The following PRRG4 variants were observed in gnomAD, a reference collection of about 807,000 sequenced individuals.
PRRG4 encodes proline rich and Gla domain 4.
In PRRG4, 12 loss-of-function variants were observed where a neutral mutation model predicts 20.0. That is an observed-to-expected ratio of 0.60 (90% confidence interval 0.38 to 0.97). The LOEUF (loss-of-function observed/expected upper bound fraction) is 0.97. PRRG4 is among the 50% of genes least tolerant of loss of function. The probability of loss-of-function intolerance (pLI) is 0.00; values close to 1 mark genes in which losing one functional copy is unlikely to be tolerated. For synonymous variants in PRRG4, 94 were observed against 96.4 expected (o/e 0.98, Z 0.15); for missense variants, 199 against 265.1 (o/e 0.75, Z 1.73).
At chr11:32,832,549 C>T (rs1298994589) in intron 2 of PRRG4, among the ~76,000 whole-genome samples, 1 of 144,152 alleles carries the variant, frequency 6.9e-6, no homozygotes, top group South Asian at 2.3e-4. Context: ...GGCGTGATCA[C>T]GGCTCACTGC....
intron 4 of PRRG4, among the ~76,000 whole-genome samples, chr11:32,839,689 G>A (rs1415293950): frequency 2.8e-5 from 3 of 108,732 alleles, no homozygotes; most frequent in South Asian, 2.7e-4. Context: ...TAAAATATAA[G>A]TATTATATTT....
At position 32,848,906 on chromosome 11, in the gene PRRG4, A is replaced by G. The variant is rs188888615; in HGVS notation, c.450-4390A>G. On this transcript the variant is annotated intron_variant, in intron 5 of 5. Coordinates refer to ENST00000257836, the MANE Select transcript of PRRG4 (RefSeq NM_024081.6). ...AGAATCACTCAAACTAGGGAGGTGGAGGCTGCAGTGAGCCGAGATGGCTCC... is the reference window on the plus strand; with the variant it reads ...AGAATCACTCAAACTAGGGAGGTGGGGGCTGCAGTGAGCCGAGATGGCTCC... Among the ~76,000 whole-genome samples, 4 of 151,346 alleles carry G rather than the reference A, an allele frequency of 2.6e-5. No individual in the cohort carries two copies. In the East Asian group the frequency reaches 7.8e-4, roughly 30 times the overall value.
Position 32,855,188 on chromosome 11 carries a change from C to G in PRRG4, c.*1661C>G, listed in dbSNP as rs575198979. On this transcript the variant is annotated 3_prime_UTR_variant, in exon 6 of 6. Transcript: ENST00000257836. Reference sequence around the variant, plus strand: ...AATCATATAAACCCATTCTTTGTCTCTTCTTCTAAATCATATGTATAACCA... The same window carrying G: ...AATCATATAAACCCATTCTTTGTCTGTTCTTCTAAATCATATGTATAACCA... 1.3e-5 allele frequency: 2 copies of G among 152,264 alleles called. No individual in the cohort carries two copies. The highest frequency in any genetic ancestry group is 2.1e-4 in the South Asian group (1 of 4,816). 9.4% of individuals were successfully genotyped at this position (152,264 alleles called of 1,614,324 possible). A position where few individuals can be genotyped will look rare whatever the true frequency, so the allele number is the denominator to read the frequency against.
chr11:32,846,818 T>G (rs958548063), intron 5 of PRRG4, among the ~76,000 whole-genome samples: 2 of 151,940 alleles, frequency 1.3e-5, no homozygotes, highest in African/African-American at 4.8e-5. Flanking sequence ...GCCAACACGG[T>G]GAAACCCCGT....
intron 5 of PRRG4, among the ~76,000 whole-genome samples, chr11:32,847,277 C>T (rs1851139989): frequency 6.6e-6 from 1 of 151,772 alleles, no homozygotes; most frequent in Admixed American, 6.6e-5. Context: ...GATAAAACAA[C>T]AAAGAGACTA....
At chr11:32,832,014 A>G (rs567114158) in intron 2 of PRRG4, among the ~76,000 whole-genome samples, 1 of 152,238 alleles carries the variant, frequency 6.6e-6, no homozygotes, top group East Asian at 1.9e-4. Context: ...AAGCAAATAA[A>G]TAAATAAATA....
intron 2 of PRRG4, among the ~76,000 whole-genome samples, chr11:32,834,763 G>A (rs2133438510): frequency 6.7e-6 from 1 of 149,828 alleles, no homozygotes; most frequent in South Asian, 2.1e-4. Context: ...TGAAATCCTT[G>A]TGTGTATTTT....
intron 5 of PRRG4, among the ~76,000 whole-genome samples, chr11:32,850,947 C>G (rs769284521): frequency 2.0e-5 from 3 of 152,124 alleles, no homozygotes; most frequent in Non-Finnish European, 2.9e-5. Flanking sequence ...GTGGCGGGCA[C>G]CTGTAATCTC....
In PRRG4 at chr11:32,840,330, T is replaced by G; in HGVS notation, c.449+91T>G. On this transcript the variant is annotated intron_variant, in intron 5 of 5. Transcript: ENST00000257836. The surrounding 1 kb of genome is among the most constrained non-coding windows in gnomAD (Gnocchi z 4.1). The stretch of plus-strand genomic sequence containing the variant: ...TCAAGCAAATGGCTGCCTATTTTCT[T>G]AAATAAGCCTTTTATTTTGGAAGAA... 1.1e-6 allele frequency: 1 copy of G among 946,708 alleles called. No homozygotes were observed. The allele number at this position is 946,708 out of a possible 1,614,324, so 58.6% of individuals were successfully genotyped here. A position where few individuals can be genotyped will look rare whatever the true frequency, so the allele number is the denominator to read the frequency against.
chr11:32,843,816 C>A (rs780705104), intron 5 of PRRG4, among the ~76,000 whole-genome samples: 20 of 151,776 alleles, frequency 1.3e-4, no homozygotes, highest in Non-Finnish European at 2.8e-4. Flanking sequence ...TAGGCTTTAG[C>A]AACCACTATT....
Position 32,830,108 on chromosome 11 carries a change from C to T in PRRG4, c.-88C>T. The T allele has an allele frequency of 1.0e-6, 1 of 992,632 alleles. No individual in the cohort carries two copies. Among genetic ancestry groups the T allele is most frequent in the Non-Finnish European group, 1.2e-6 (1 of 835,088 alleles). 61.5% of individuals were successfully genotyped at this position (992,632 alleles called of 1,614,324 possible). A position where few individuals can be genotyped will look rare whatever the true frequency, so the allele number is the denominator to read the frequency against. ...CGCCGGAGACCGAGGGCCTGGCGGC[C>T]GAAGGAACCGCCCCAAGAAGAGCCT... On this transcript the variant is annotated 5_prime_UTR_variant, in exon 1 of 6. Transcript: ENST00000257836.
intron 5 of PRRG4, among the ~76,000 whole-genome samples, chr11:32,845,846 G>T (rs1321315992): frequency 6.6e-6 from 1 of 151,798 alleles, no homozygotes; most frequent in Non-Finnish European, 1.5e-5. Flanking sequence ...CTTGACCAAA[G>T]ATTTTTTAAA....
Position 32,830,493 on chromosome 11 carries a change from T to TTTTG in PRRG4, c.-22-7_-22-4dup, listed in dbSNP as rs1554973250. 4 of 1,458,334 alleles carry TTTTG rather than the reference T, an allele frequency of 2.7e-6. No homozygotes were observed. The highest frequency in any genetic ancestry group is 1.8e-6 in the Non-Finnish European group (2 of 1,102,610). The allele number at this position is 1,458,334 out of a possible 1,614,324, so 90.3% of individuals were successfully genotyped here. A position where few individuals can be genotyped will look rare whatever the true frequency, so the allele number is the denominator to read the frequency against. On this transcript the variant is annotated splice_polypyrimidine_tract_variant and intron_variant, in intron 1 of 5. Transcript: ENST00000257836. ...GGGGCCTTTTTTTTTTAATATTTTT[T>TTTTG]TTTGTTTGTTTTAGTTTGTTTGACA...
In PRRG4 at chr11:32,840,319, G is replaced by T; in HGVS notation, c.449+80G>T. ...TTAACAATGGGTCAAGCAAATGGCTGCCTATTTTCTTAAATAAGCCTTTTA... is the reference window on the plus strand; with the variant it reads ...TTAACAATGGGTCAAGCAAATGGCTTCCTATTTTCTTAAATAAGCCTTTTA... On this transcript the variant is annotated intron_variant, in intron 5 of 5. Coordinates refer to ENST00000257836, the MANE Select transcript of PRRG4 (RefSeq NM_024081.6). This position sits in a 1 kb window ranked among gnomAD's most constrained non-coding sequence, Gnocchi z 4.1. The T allele has an allele frequency of 9.3e-7, 1 of 1,075,262 alleles. No individual in the cohort carries two copies. The highest frequency in any genetic ancestry group is 1.7e-5 in the South Asian group (1 of 60,606). The allele number at this position is 1,075,262 out of a possible 1,614,324, so 66.6% of individuals were successfully genotyped here.
At chr11:32,848,113 G>A (rs573046529) in intron 5 of PRRG4, among the ~76,000 whole-genome samples, 3 of 152,202 alleles carry the variant, frequency 2.0e-5, no homozygotes, top group Non-Finnish European at 4.4e-5. Context: ...CTAAGATCAA[G>A]GGACCAGCAG....
At position 32,854,557 on chromosome 11, in the gene PRRG4, C is replaced by CAAAAAA. The variant is rs34159502; in HGVS notation, c.*1046_*1051dup. 1.2e-5 allele frequency: 1 copy of CAAAAAA among 84,574 alleles called. No homozygotes were observed. Among genetic ancestry groups the CAAAAAA allele is most frequent in the Non-Finnish European group, 2.3e-5 (1 of 42,686 alleles). The allele number at this position is 84,574 out of a possible 1,614,324, so 5.2% of individuals were successfully genotyped here. On this transcript the variant is annotated 3_prime_UTR_variant, in exon 6 of 6. Coordinates refer to ENST00000257836, the MANE Select transcript of PRRG4 (RefSeq NM_024081.6). ...TGGGCGACAGAGTGAGACTCCATCT[C>CAAAAAA]AAAAAAAAAAAAAAAAAAAAAGATT...
chr11:32,845,439 A>C (rs7935461), intron 5 of PRRG4, among the ~76,000 whole-genome samples: 135,929 of 151,958 alleles, frequency 0.89, 61,078 homozygotes, highest in East Asian at 0.99. Flanking sequence ...TCCTGGCTAA[A>C]ACGGTGAAAC....
At position 32,856,385 on chromosome 11, in the gene PRRG4, CATG is replaced by C. The variant is rs1851227672; in HGVS notation, c.*2861_*2863del. The stretch of plus-strand genomic sequence containing the variant: ...TTTATAGAGCATCCAATGTGGAGAT[CATG>C]ATACTTTAAATATAAAAAGGAAAAT... On this transcript the variant is annotated 3_prime_UTR_variant, in exon 6 of 6. Transcript: ENST00000257836. The C allele has an allele frequency of 6.6e-6, 1 of 152,120 alleles. No homozygotes were observed. Among genetic ancestry groups the C allele is most frequent in the African/African-American group, 2.4e-5 (1 of 41,422 alleles). The allele number at this position is 152,120 out of a possible 1,614,324, so 9.4% of individuals were successfully genotyped here.
At chr11:32,837,215 G>A (rs61889495) in intron 3 of PRRG4, among the ~76,000 whole-genome samples, 15,607 of 152,038 alleles carry the variant, frequency 0.1, 850 homozygotes, top group Non-Finnish European at 0.13. Flanking sequence ...TTATGACTGA[G>A]TAATTTGTCC....
Sources: allele counts gnomAD v4.1 joint callset (sites outside exome capture counted in the v4.1 genomes callset), GRCh38; gene constraint gnomAD v4.1.1; non-coding constraint Gnocchi (gnomAD v3.1); transcripts MANE v1.5; gene names NCBI Gene and HGNC (gene_info 2026-07-23, HGNC 2026-07-21).